ABAT: variants seen among roughly 807,000 people sequenced by gnomAD.
ABAT encodes 4-aminobutyrate aminotransferase, also known as 4-aminobutyrate aminotransferase, mitochondrial.
In ABAT, 45 loss-of-function variants were observed where a neutral mutation model predicts 64.6. The ratio of observed to expected loss-of-function variants is 0.70; its 90% CI spans 0.55 to 0.89. ABAT has a LOEUF of 0.89. ABAT is among the 40% of genes least tolerant of loss of function. ABAT has a pLI of 0.00. For missense variants in ABAT, 633 were observed against 658.4 expected (o/e 0.96, Z 0.42); for synonymous variants, 297 against 250.5 (o/e 1.19, Z -1.75).
chr16:8,678,341 G>T (rs926499271), intron 1 of ABAT, among the ~76,000 whole-genome samples: 4 of 152,142 alleles, frequency 2.6e-5, no homozygotes, highest in African/African-American at 7.2e-5. Context: ...TACAACCAAA[G>T]CGCTGGGGTT....
chr16:8,772,994 A>T, intron 12 of ABAT, 77 bp downstream of exon 12: 1 of 1,593,406 alleles, frequency 6.3e-7, no homozygotes, highest in Non-Finnish European at 8.6e-7. Flanking sequence ...GGCCAGCAGC[A>T]CCTCTGCCTT....
intron 11 of ABAT, among the ~76,000 whole-genome samples, chr16:8,771,125 A>G (rs569489017): frequency 2.0e-5 from 3 of 152,108 alleles, no homozygotes; most frequent in Middle Eastern, 3.4e-3. Flanking sequence ...GAGAAACCCC[A>G]TCTCTACTAA....
At chr16:8,745,943 A>G in intron 2 of ABAT, 58 bp from the exon 3 acceptor site, 1 of 1,540,956 alleles carries the variant, frequency 6.5e-7, no homozygotes. Context: ...CTGTCAGGGC[A>G]GAATCCTCAT....
chr16:8,763,815 A>G (rs1596464055), intron 6 of ABAT, among the ~76,000 whole-genome samples: 1 of 152,226 alleles, frequency 6.6e-6, no homozygotes, highest in Non-Finnish European at 1.5e-5. Context: ...CCCCAGCGGC[A>G]GTAGCATCCT....
chr16:8,762,220 T>G (rs908765241), intron 6 of ABAT, among the ~76,000 whole-genome samples: 2 of 152,232 alleles, frequency 1.3e-5, no homozygotes, highest in African/African-American at 4.8e-5. Flanking sequence ...CAACAAGTTA[T>G]ACAATAATCA....
intron 1 of ABAT, among the ~76,000 whole-genome samples, chr16:8,710,173 A>G (rs751579775): frequency 8.1e-4 from 124 of 152,156 alleles, no homozygotes; most frequent in Non-Finnish European, 1.6e-3. Context: ...CCCCAGCACA[A>G]AAGCATTGTT....
chr16:8,697,192 C>A (rs2057721817), intron 1 of ABAT, among the ~76,000 whole-genome samples: 2 of 152,240 alleles, frequency 1.3e-5, no homozygotes, highest in Middle Eastern at 3.4e-3. Context: ...CCGTTTCGGG[C>A]CCCGGGGGAA....
In ABAT at chr16:8,746,073, C is replaced by G. The variant is rs756018049; in HGVS notation, c.143C>G (p.Thr48Arg). The G allele has an allele frequency of 6.2e-7, 1 of 1,613,604 alleles. No individual in the cohort carries two copies. The highest frequency in any genetic ancestry group is 8.5e-7 in the Non-Finnish European group (1 of 1,179,900). The part of the protein sequence containing the change: ...EFDYDGPLMK[T>R]EVPGPRSQEL... Reference sequence around the variant, plus strand: ...GATTATGATGGGCCTCTGATGAAGACGGAAGTCCCAGGGCCTAGATCTCAG... The same window carrying G: ...GATTATGATGGGCCTCTGATGAAGAGGGAAGTCCCAGGGCCTAGATCTCAG... The change falls in exon 3 of 16, where the codon ACG becomes AGG. Residue 48 changes from threonine (T) to arginine (R), a missense_variant. Coordinates refer to ENST00000268251, the MANE Select transcript of ABAT (RefSeq NM_020686.6).
intron 1 of ABAT, among the ~76,000 whole-genome samples, chr16:8,723,234 CA>C (rs1341284849): frequency 6.6e-6 from 1 of 151,934 alleles, no homozygotes; most frequent in Admixed American, 6.6e-5. Context: ...TCGTGTCTCT[CA>C]AAAAAATAAA....
intron 1 of ABAT, among the ~76,000 whole-genome samples, chr16:8,678,915 A>T (rs1347596293): frequency 6.6e-6 from 1 of 152,186 alleles, no homozygotes; most frequent in African/African-American, 2.4e-5. Flanking sequence ...GAACATGGAT[A>T]GTTAGGGAAG....
intron 1 of ABAT, among the ~76,000 whole-genome samples, chr16:8,697,533 A>C (rs1257279237): frequency 6.6e-6 from 1 of 152,202 alleles, no homozygotes; most frequent in African/African-American, 2.4e-5. Flanking sequence ...GAGCAATTGC[A>C]GTCAGTGCCT....
At chr16:8,753,092 CTTTTTTTTT>C (rs768032745) in intron 5 of ABAT, among the ~76,000 whole-genome samples, 4 of 127,570 alleles carry the variant, frequency 3.1e-5, no homozygotes, top group Admixed American at 1.6e-4. Flanking sequence ...CAAGCTTATT[CTTTTTTTTT>C]TTTTTTTTTT....
intron 5 of ABAT, among the ~76,000 whole-genome samples, chr16:8,756,072 G>C (rs938348374): frequency 1.3e-5 from 2 of 151,718 alleles, no homozygotes; most frequent in Admixed American, 6.6e-5. Context: ...AATTAGCCAG[G>C]CATGGTGGCA....
chr16:8,766,236 C>A lies in ABAT; in HGVS notation c.569C>A (p.Ser190Tyr). 1 of 1,614,118 alleles carries A rather than the reference C, an allele frequency of 6.2e-7. No homozygotes were observed. The highest frequency in any genetic ancestry group is 8.5e-7 in the Non-Finnish European group (1 of 1,179,986). The change falls in exon 9 of 16, where the codon TCC becomes TAC. Residue 190 changes from serine to tyrosine, a missense_variant. Coordinates refer to ENST00000268251, the MANE Select transcript of ABAT (RefSeq NM_020686.6). ...AAGGAAAGAGGGCAGAGGGGCTTCT[C>A]CCAGGAGGAGCTGGAGACGTGCATG... ...RSKERGQRGF[S>Y]QEELETCMIN...
intron 1 of ABAT, among the ~76,000 whole-genome samples, chr16:8,717,255 A>G (rs1397468147): frequency 6.6e-6 from 1 of 152,232 alleles, no homozygotes; most frequent in Non-Finnish European, 1.5e-5. Context: ...GTGCCACTGC[A>G]CTTCAGCCTG....
At chr16:8,748,172 T>G in intron 4 of ABAT, 35 bp downstream of exon 4, 1 of 1,598,598 alleles carries the variant, frequency 6.3e-7, no homozygotes. Context: ...CTTCTGTTGC[T>G]TCTTTATCAC....
At chr16:8,715,881 T>C (rs2058203403) in intron 1 of ABAT, among the ~76,000 whole-genome samples, 1 of 147,326 alleles carries the variant, frequency 6.8e-6, no homozygotes. Context: ...AGATACAGGC[T>C]GAAGGATTCA....
intron 1 of ABAT, among the ~76,000 whole-genome samples, chr16:8,681,350 A>G (rs2141910878): frequency 6.6e-6 from 1 of 151,416 alleles, no homozygotes; most frequent in Non-Finnish European, 1.5e-5. Context: ...CCACTTAAAT[A>G]TTTGCTCAGC....
At chr16:8,732,648 G>A (rs1356291984) in intron 1 of ABAT, among the ~76,000 whole-genome samples, 1 of 151,448 alleles carries the variant, frequency 6.6e-6, no homozygotes, top group Non-Finnish European at 1.5e-5. Context: ...GCAACCATCC[G>A]ATTTCTCAAT....
Sources: allele counts gnomAD v4.1 joint callset (sites outside exome capture counted in the v4.1 genomes callset), GRCh38; gene constraint gnomAD v4.1.1; transcripts MANE v1.5; gene names NCBI Gene and HGNC (gene_info 2026-07-23, HGNC 2026-07-21).